Variants in AKR1E2 observed in about 807,000 individuals in gnomAD.
AKR1E2 encodes aldo-keto reductase family 1 member E2.
A neutral mutation model predicts 41.9 loss-of-function variants in AKR1E2; 43 were observed. The ratio of observed to expected loss-of-function variants is 1.03; its 90% confidence interval spans 0.80 to 1.32. AKR1E2 has a LOEUF of 1.32. Ranked by LOEUF, AKR1E2 falls within the 40% of genes most tolerant of loss-of-function variation. The probability of loss-of-function intolerance (pLI) is 0.00; values close to 1 mark genes in which losing one functional copy is unlikely to be tolerated. For synonymous variants in AKR1E2, 121 were observed against 138.9 expected (o/e 0.87, Z 0.91); for missense variants, 423 against 396.5 (o/e 1.07, Z -0.57).
chr10:4,859,899 A>G, the AKR1E2 span, among the ~76,000 whole-genome samples: 1 of 152,198 alleles, frequency 6.6e-6, no homozygotes, highest in African/African-American at 2.4e-5. Context: ...TGCAGGTGCC[A>G]TTTGGCCCTC....
intron 9 of AKR1E2, 70 bp downstream of exon 9, chr10:4,847,300 G>T: frequency 6.2e-7 from 1 of 1,600,126 alleles, no homozygotes; most frequent in Non-Finnish European, 8.5e-7. Context: ...GTCTGAATAG[G>T]TATTTATCAT....
chr10:4,868,590 A>G, the AKR1E2 span, among the ~76,000 whole-genome samples: 3 of 152,246 alleles, frequency 2.0e-5, no homozygotes, highest in Non-Finnish European at 4.4e-5. Flanking sequence ...AACTTTTAGC[A>G]CTGTGTTTAA....
chr10:4,836,352 G>C (rs979627012), intron 4 of AKR1E2, among the ~76,000 whole-genome samples: 5 of 152,104 alleles, frequency 3.3e-5, no homozygotes, highest in African/African-American at 1.2e-4. Flanking sequence ...TTGCAGTAAA[G>C]ACTTGAGCAG....
Position 4,826,289 on chromosome 10 carries a change from C to A in AKR1E2, c.-36C>A. ...CGCGGTGCCTGTCGGTAGTCGCGTG[C>A]GGGGCGGCGGGGCGGCGGGGCGGCC... On this transcript the variant is annotated 5_prime_UTR_variant, in exon 1 of 10. Transcript: ENST00000298375. The A allele has an allele frequency of 8.2e-7, 1 of 1,219,776 alleles. No individual in the cohort carries two copies. Among genetic ancestry groups the A allele is most frequent in the Non-Finnish European group, 1.0e-6 (1 of 978,732 alleles). 75.6% of individuals were successfully genotyped at this position (1,219,776 alleles called of 1,614,324 possible). A position where few individuals can be genotyped will look rare whatever the true frequency, so the allele number is the denominator to read the frequency against.
At chr10:4,870,296 T>C in the AKR1E2 span, among the ~76,000 whole-genome samples, 2 of 152,080 alleles carry the variant, frequency 1.3e-5, no homozygotes, top group African/African-American at 4.8e-5. Context: ...ACATTTAGTT[T>C]TTGTTTCAAT....
chr10:4,863,184 T>C, the AKR1E2 span, among the ~76,000 whole-genome samples: 1 of 152,150 alleles, frequency 6.6e-6, no homozygotes, highest in Non-Finnish European at 1.5e-5. Flanking sequence ...ACCGCACTTA[T>C]TCCAAAACTG....
At chr10:4,859,739 G>C in the AKR1E2 span, among the ~76,000 whole-genome samples, 3 of 152,140 alleles carry the variant, frequency 2.0e-5, no homozygotes, top group African/African-American at 4.8e-5. Context: ...AAAAGAGGAA[G>C]ACTGTCCTTC....
intron 1 of AKR1E2, among the ~76,000 whole-genome samples, chr10:4,828,539 AT>A (rs1832723290): frequency 6.6e-6 from 1 of 152,078 alleles, no homozygotes; most frequent in Non-Finnish European, 1.5e-5. Context: ...CTGGCTTTTT[AT>A]TTTGGCACCT....
the AKR1E2 span, among the ~76,000 whole-genome samples, chr10:4,860,126 C>G: frequency 2.0e-5 from 3 of 152,306 alleles, no homozygotes; most frequent in African/African-American, 7.2e-5. Context: ...CCTGATTTAA[C>G]AGTTGGCAAG....
downstream of AKR1E2, among the ~76,000 whole-genome samples, chr10:4,849,567 C>T (rs1280613989): frequency 6.6e-6 from 1 of 152,142 alleles, no homozygotes; most frequent in Non-Finnish European, 1.5e-5. Context: ...TGTTCATTGA[C>T]CTTAAAAGTA....
At chr10:4,866,652 T>TG in the AKR1E2 span, among the ~76,000 whole-genome samples, 1 of 149,042 alleles carries the variant, frequency 6.7e-6, no homozygotes, top group East Asian at 2.0e-4. Flanking sequence ...TTTGTTTTTT[T>TG]TTTTTTTTGA....
intron 1 of AKR1E2, among the ~76,000 whole-genome samples, chr10:4,827,605 A>G (rs970245823): frequency 1.7e-5 from 2 of 120,680 alleles, no homozygotes; most frequent in Admixed American, 7.9e-5. Context: ...TTTGATCTTT[A>G]AAAAAAAAAA....
At chr10:4,844,124 A>G (rs1834107330) in intron 8 of AKR1E2, among the ~76,000 whole-genome samples, 1 of 152,062 alleles carries the variant, frequency 6.6e-6, no homozygotes, top group Admixed American at 6.5e-5. Flanking sequence ...ACAGTTCTTA[A>G]AGGTGGTGTG....
At chr10:4,858,778 G>A in the AKR1E2 span, among the ~76,000 whole-genome samples, 6 of 151,962 alleles carry the variant, frequency 3.9e-5, no homozygotes, top group African/African-American at 1.5e-4. Context: ...GGCTGAAAAG[G>A]TGGGTAGAAA....
chr10:4,850,592 G>A (rs1588496457), downstream of AKR1E2, among the ~76,000 whole-genome samples: 3 of 152,242 alleles, frequency 2.0e-5, no homozygotes, highest in Admixed American at 2.0e-4. Context: ...CCACACCCTC[G>A]CCAGCATTAG....
In AKR1E2 at chr10:4,842,493, G is replaced by C. The variant is rs141274888; in HGVS notation, c.826G>C (p.Glu276Gln). The C allele has an allele frequency of 8.7e-6, 14 of 1,614,034 alleles. No homozygotes were observed. Among genetic ancestry groups the C allele is most frequent in the Non-Finnish European group, 1.2e-5 (14 of 1,179,904 alleles). ...ATCTATCACCCCAAGTCACATTAAAGAGAATATCCAGGTAGGTGTATTCCT... is the reference window on the plus strand; with the variant it reads ...ATCTATCACCCCAAGTCACATTAAACAGAATATCCAGGTAGGTGTATTCCT... Reference protein sequence around the residue: ...PGSITPSHIKENIQVFDFELT... With the variant: ...PGSITPSHIKQNIQVFDFELT... The change falls in exon 8 of 10, where the codon GAG becomes CAG. Residue 276 changes from glutamate to glutamine, a missense_variant. Transcript: ENST00000298375.
At position 4,839,921 on chromosome 10, in the gene AKR1E2, G is replaced by T. The variant is rs762129049; in HGVS notation, c.680+95G>T. ...GGGATGACTGAGGGAGGGCTTAATG[G>T]AGGTTTTGACAGGGTGTGGAGGGAT... On this transcript the variant is annotated intron_variant, in intron 6 of 9. Coordinates refer to ENST00000298375, the MANE Select transcript of AKR1E2 (RefSeq NM_001040177.3). 38 of 1,205,220 alleles carry T rather than the reference G, an allele frequency of 3.2e-5. No homozygotes were observed. The Admixed American group carries it at 4.2e-4, about 13-fold the overall frequency. 74.7% of individuals were successfully genotyped at this position (1,205,220 alleles called of 1,614,324 possible). A position where few individuals can be genotyped will look rare whatever the true frequency, so the allele number is the denominator to read the frequency against.
At chr10:4,827,892 G>A (rs1481113788) in intron 1 of AKR1E2, among the ~76,000 whole-genome samples, 1 of 152,118 alleles carries the variant, frequency 6.6e-6, no homozygotes, top group African/African-American at 2.4e-5. Flanking sequence ...ATTTGGTGCA[G>A]GAGTCCAGAC....
At chr10:4,844,869 CG>C (rs1476383787) in intron 8 of AKR1E2, among the ~76,000 whole-genome samples, 13 of 152,330 alleles carry the variant, frequency 8.5e-5, no homozygotes, top group East Asian at 5.8e-4. Flanking sequence ...GGATCCCGCA[CG>C]GGGCCGCAGG....
Sources: gnomAD v4.1 joint callset for allele counts (sites outside exome capture counted in the v4.1 genomes callset) on GRCh38, gnomAD v4.1.1 for gene constraint, MANE v1.5 for transcripts, NCBI Gene and HGNC (gene_info 2026-07-23, HGNC 2026-07-21) for gene names.